PLXDC2: variants seen among roughly 807,000 people sequenced by gnomAD.
PLXDC2 encodes the protein plexin domain containing 2, also known as plexin domain-containing protein 2.
PLXDC2 carries 40 observed loss-of-function variants against 68.9 expected under a neutral mutation model. That is an observed-to-expected ratio of 0.58 (90% CI 0.45 to 0.76). The LOEUF is 0.76. Ranked by LOEUF, PLXDC2 falls within the 30% of genes least tolerant of loss-of-function variation. The pLI, the probability that PLXDC2 is intolerant of heterozygous loss-of-function variation, is 0.00. For missense variants in PLXDC2, 644 were observed against 661.9 expected (o/e 0.97, Z 0.30); for synonymous variants, 243 against 234.2 (o/e 1.04, Z -0.34).
intron 1 of PLXDC2, among the ~76,000 whole-genome samples, chr10:19,978,782 A>G (rs1834500550): frequency 6.6e-6 from 1 of 152,186 alleles, no homozygotes; most frequent in South Asian, 2.1e-4. Context: ...TGGACCTGCT[A>G]TTTGATGATT....
chr10:20,127,444 G>A (rs1454500627), intron 4 of PLXDC2, among the ~76,000 whole-genome samples: 2 of 152,094 alleles, frequency 1.3e-5, no homozygotes, highest in African/African-American at 2.4e-5. Context: ...ACCAGAGGCT[G>A]GATTTTGGGC....
At chr10:20,164,818 C>CT (rs1564339015) in intron 7 of PLXDC2, among the ~76,000 whole-genome samples, 1 of 151,950 alleles carries the variant, frequency 6.6e-6, no homozygotes, top group South Asian at 2.1e-4. Flanking sequence ...TTTCTTGGTT[C>CT]TTTTTTCTTT....
At chr10:20,250,028 G>A (rs1229265044) in intron 13 of PLXDC2, among the ~76,000 whole-genome samples, 1 of 152,104 alleles carries the variant, frequency 6.6e-6, no homozygotes, top group African/African-American at 2.4e-5. Flanking sequence ...AGCACTTTGG[G>A]AGGCCAAGGC....
chr10:19,990,206 T>G (rs1300265254), intron 1 of PLXDC2, among the ~76,000 whole-genome samples: 1 of 152,202 alleles, frequency 6.6e-6, no homozygotes, highest in Non-Finnish European at 1.5e-5. Context: ...CCATGATTTC[T>G]GTCTTAGTAC....
intron 3 of PLXDC2, among the ~76,000 whole-genome samples, chr10:20,062,140 A>G (rs149703842): frequency 6.6e-6 from 1 of 152,206 alleles, no homozygotes; most frequent in Non-Finnish European, 1.5e-5. Context: ...TAAAAGGTTA[A>G]ATAGGCTGGG....
chr10:20,037,383 A>C (rs2131673102), intron 2 of PLXDC2, among the ~76,000 whole-genome samples: 1 of 150,472 alleles, frequency 6.6e-6, no homozygotes, highest in African/African-American at 2.5e-5. Flanking sequence ...ATTGTACTTT[A>C]AGTTCTAGGG....
intron 1 of PLXDC2, among the ~76,000 whole-genome samples, chr10:19,970,896 A>C (rs1834340897): frequency 6.6e-6 from 1 of 152,142 alleles, no homozygotes; most frequent in South Asian, 2.1e-4. Context: ...ATCTAGACTA[A>C]ACATGTTCTT....
At position 19,952,706 on chromosome 10, in the gene PLXDC2, A is replaced by G. The variant is rs564775209; in HGVS notation, c.113-49069A>G. Reference sequence around the variant, plus strand: ...AGAGGACCTGCTTGGATATGTACCTATTTAAAAAGCATTTATCTTGGAAAT... The same window carrying G: ...AGAGGACCTGCTTGGATATGTACCTGTTTAAAAAGCATTTATCTTGGAAAT... On this transcript the variant is annotated intron_variant, in intron 1 of 13. Coordinates refer to ENST00000377252, the MANE Select transcript of PLXDC2 (RefSeq NM_032812.9). Among the ~76,000 whole-genome samples the G allele has an allele frequency of 2.6e-5, 4 of 152,246 alleles. No homozygotes were observed. The East Asian group carries it at 7.7e-4, about 29-fold the overall frequency.
intron 7 of PLXDC2, among the ~76,000 whole-genome samples, chr10:20,174,932 T>C (rs1019671882): frequency 1.3e-5 from 2 of 152,146 alleles, no homozygotes; most frequent in Non-Finnish European, 2.9e-5. Context: ...CACTATCATC[T>C]GGGCCACCAC....
intron 1 of PLXDC2, among the ~76,000 whole-genome samples, chr10:19,961,027 C>T (rs1220970325): frequency 6.6e-6 from 1 of 152,156 alleles, no homozygotes; most frequent in Admixed American, 6.5e-5. Context: ...CTAGTTAGAC[C>T]ATACGGCATG....
intron 1 of PLXDC2, among the ~76,000 whole-genome samples, chr10:19,955,569 A>G (rs1834056389): frequency 6.6e-6 from 1 of 152,176 alleles, no homozygotes; most frequent in African/African-American, 2.4e-5. Context: ...CCTTATCTGT[A>G]AATGTAATAC....
Position 19,996,540 on chromosome 10 carries a change from C to A in PLXDC2, c.113-5235C>A, listed in dbSNP as rs1366782001. On this transcript the variant is annotated intron_variant, in intron 1 of 13. Transcript: ENST00000377252. ...ATTTGAGGCTGTAGTGAGCTATGAT[C>A]GTGCCATTGCACTTAAAGCCCAGGT... 2.6e-5 allele frequency among the ~76,000 whole-genome samples: 4 copies of A among 152,128 alleles called. No homozygotes were observed. The East Asian group carries it at 5.8e-4, about 22-fold the overall frequency.
intron 2 of PLXDC2, among the ~76,000 whole-genome samples, chr10:20,020,774 A>G (rs1835294566): frequency 6.6e-6 from 1 of 152,190 alleles, no homozygotes; most frequent in South Asian, 2.1e-4. Context: ...TTAATGCCTG[A>G]TGAGAAAACT....
chr10:20,242,759 G>A (rs891118243), intron 12 of PLXDC2, among the ~76,000 whole-genome samples: 13 of 152,244 alleles, frequency 8.5e-5, no homozygotes, highest in African/African-American at 3.1e-4. Flanking sequence ...CGCCCAGGCT[G>A]GAGTGCAGTG....
intron 1 of PLXDC2, among the ~76,000 whole-genome samples, chr10:19,942,673 A>T (rs1160657324): frequency 6.6e-6 from 1 of 152,224 alleles, no homozygotes; most frequent in Non-Finnish European, 1.5e-5. Context: ...CTGAAGCAGG[A>T]GAATCCCTTG....
At chr10:20,025,364 A>G (rs768321579) in intron 2 of PLXDC2, among the ~76,000 whole-genome samples, 16 of 151,750 alleles carry the variant, frequency 1.1e-4, no homozygotes, top group Non-Finnish European at 1.8e-4. Context: ...CCCAGGTTCA[A>G]TGATTCTCCT....
chr10:19,953,215 G>A (rs754990841), intron 1 of PLXDC2, among the ~76,000 whole-genome samples: 147 of 152,166 alleles, frequency 9.7e-4, no homozygotes, highest in Non-Finnish European at 1.8e-3. Context: ...TATACAACTA[G>A]TTAGTATAGA....
At chr10:19,837,409 A>AGAGAGTGTGTGT (rs1334263958) in intron 1 of PLXDC2, among the ~76,000 whole-genome samples, 1 of 82,488 alleles carries the variant, frequency 1.2e-5, no homozygotes, top group South Asian at 4.8e-4. Flanking sequence ...AGAGAGAGAG[A>AGAGAGTGTGTGT]GTGTGTGTGT....
chr10:20,269,915 G>A (rs956908860), intron 13 of PLXDC2, among the ~76,000 whole-genome samples: 1 of 152,114 alleles, frequency 6.6e-6, no homozygotes, highest in African/African-American at 2.4e-5. Flanking sequence ...CTTCTTGGGA[G>A]GCTGAGGCAG....
Sources: allele counts gnomAD v4.1 joint callset (sites outside exome capture counted in the v4.1 genomes callset), GRCh38; gene constraint gnomAD v4.1.1; transcripts MANE v1.5; gene names NCBI Gene and HGNC (gene_info 2026-07-23, HGNC 2026-07-21).